ATG14: variants seen among roughly 807,000 people sequenced by gnomAD.
ATG14 encodes autophagy related 14.
ATG14 carries 35 observed loss-of-function variants against 60.4 expected under a neutral mutation model. That is an observed-to-expected ratio of 0.58 (90% CI 0.44 to 0.77). ATG14 has a LOEUF of 0.77. Ranked by LOEUF, ATG14 falls within the 30% of genes least tolerant of loss-of-function variation. The pLI is 0.00. For synonymous variants in ATG14, 234 were observed against 228.8 expected, an observed-to-expected ratio of 1.02 and a Z score of -0.21; for missense variants, 647 against 626.3, an observed-to-expected ratio of 1.03 and a Z score of -0.35.
chr14:55,372,108 T>C (rs76997592), intron 9 of ATG14, among the ~76,000 whole-genome samples: 8,844 of 152,164 alleles, frequency 0.058, 322 homozygotes, highest in South Asian at 0.089. Flanking sequence ...TATCCTCTGG[T>C]TACTAAACCC....
chr14:55,369,509 T>C lies in ATG14; in HGVS notation c.*110A>G. On this transcript the variant is annotated 3_prime_UTR_variant, in exon 10 of 10. Transcript: ENST00000247178. ...AAAAAGACAAAACAAAACAACACTT[T>C]AACCTCTTTGTTCCAGACACTATCT... The C allele has an allele frequency of 1.8e-6, 2 of 1,107,766 alleles. No individual in the cohort carries two copies. Among genetic ancestry groups the C allele is most frequent in the Non-Finnish European group, 2.5e-6 (2 of 803,360 alleles). 68.6% of individuals were successfully genotyped at this position (1,107,766 alleles called of 1,614,324 possible). A position where few individuals can be genotyped will look rare whatever the true frequency, so the allele number is the denominator to read the frequency against.
chr14:55,374,362 T>G lies in ATG14; in HGVS notation c.1172+3457A>C, dbSNP rs78304950. 6.8e-3 allele frequency among the ~76,000 whole-genome samples: 1,035 copies of G among 152,322 alleles called. 16 individuals are homozygous for G. The highest frequency in any genetic ancestry group is 0.049 in the East Asian group (254 of 5,182). ...TTACATTTCTTGTGTGAGCCGCATG[T>G]TTTAATCTTTTGTCTATTTTTCTAA... On this transcript the variant is annotated intron_variant, in intron 9 of 9. Transcript: ENST00000247178.
intron 9 of ATG14, among the ~76,000 whole-genome samples, chr14:55,373,285 A>C (rs1884857139): frequency 6.6e-6 from 1 of 152,158 alleles, no homozygotes; most frequent in African/African-American, 2.4e-5. Context: ...TCTACCAATT[A>C]AGGCAACAAA....
intron 2 of ATG14, among the ~76,000 whole-genome samples, chr14:55,397,160 C>A (rs72717753): frequency 0.011 from 1,722 of 152,274 alleles, 15 homozygotes; most frequent in Middle Eastern, 0.027. Context: ...CTACTGTATA[C>A]CACACACCGG....
chr14:55,386,119 A>C, intron 4 of ATG14, 23 bp from the exon 5 acceptor site: 1 of 1,580,516 alleles, frequency 6.3e-7, no homozygotes, highest in Non-Finnish European at 8.6e-7. Flanking sequence ...AATCACACCC[A>C]ACAATTATCT....
intron 1 of ATG14, among the ~76,000 whole-genome samples, chr14:55,410,324 A>C (rs373887294): frequency 1.5e-4 from 23 of 152,346 alleles, no homozygotes; most frequent in African/African-American, 5.3e-4. Flanking sequence ...AATTATGTGA[A>C]TAGACATAGT....
chr14:55,381,889 C>T, intron 6 of ATG14, 73 bp downstream of exon 6: 1 of 1,338,296 alleles, frequency 7.5e-7, no homozygotes. Flanking sequence ...CTTGAAAGCT[C>T]TTCATTTTGT....
At chr14:55,401,147 T>C (rs923903712) in intron 1 of ATG14, among the ~76,000 whole-genome samples, 3 of 152,064 alleles carry the variant, frequency 2.0e-5, no homozygotes, top group Admixed American at 1.3e-4. Context: ...GAGAGATGGT[T>C]TGTAATTCAT....
At chr14:55,375,141 C>T (rs933235679) in intron 9 of ATG14, among the ~76,000 whole-genome samples, 26 of 152,050 alleles carry the variant, frequency 1.7e-4, no homozygotes, top group African/African-American at 5.6e-4. Flanking sequence ...TGTGTAGAGC[C>T]ATTCAAATAA....
At chr14:55,372,073 T>C (rs1264108270) in intron 9 of ATG14, among the ~76,000 whole-genome samples, 2 of 152,096 alleles carry the variant, frequency 1.3e-5, no homozygotes, top group East Asian at 3.9e-4. Context: ...TCTTTTCCGA[T>C]TCCTCTCCTA....
At chr14:55,393,411 A>G (rs1249696732) in intron 3 of ATG14, among the ~76,000 whole-genome samples, 3 of 152,074 alleles carry the variant, frequency 2.0e-5, no homozygotes, top group Admixed American at 6.6e-5. Context: ...AAAAAGAAAT[A>G]TATGAATAAT....
intron 9 of ATG14, among the ~76,000 whole-genome samples, chr14:55,372,070 C>T (rs1452910739): frequency 6.6e-6 from 1 of 152,046 alleles, no homozygotes; most frequent in East Asian, 1.9e-4. Context: ...CCATCTTTTC[C>T]GATTCCTCTC....
chr14:55,404,875 CCT>C (rs912122089), intron 1 of ATG14, among the ~76,000 whole-genome samples: 4 of 152,106 alleles, frequency 2.6e-5, no homozygotes, highest in African/African-American at 7.2e-5. Flanking sequence ...CCACAACACC[CCT>C]GAGACTCAGT....
chr14:55,369,060 C>G lies in ATG14; in HGVS notation c.*559G>C, dbSNP rs536497753. 1 of 139,548 alleles carries G rather than the reference C, an allele frequency of 7.2e-6. No homozygotes were observed. The highest frequency in any genetic ancestry group is 7.1e-5 in the Admixed American group (1 of 14,010). The allele number at this position is 139,548 out of a possible 1,614,324, so 8.6% of individuals were successfully genotyped here. A position where few individuals can be genotyped will look rare whatever the true frequency, so the allele number is the denominator to read the frequency against. On this transcript the variant is annotated 3_prime_UTR_variant, in exon 10 of 10. Transcript: ENST00000247178. ...ACGACAGAGCAGCATGAATAAAATA[C>G]GTGTAACTCACCCCTCCCAAACAAA...
rs1452340885 is a variant in ATG14, at chr14:55,380,632, C to T, written c.936G>A (p.Gln312=). ...GTATATGAGACAGAATGTTGACCAG[C>T]TGAGTTGCATAGCACAGCGCAGCAC... The part of the protein sequence containing the change: ...TISAALCYAT[Q]LVNILSHILD... Residue 312 remains glutamine (Q), a synonymous_variant, in exon 7 of 10, where the codon CAG becomes CAA. Coordinates refer to ENST00000247178, the MANE Select transcript of ATG14 (RefSeq NM_014924.5). The T allele has an allele frequency of 6.2e-7, 1 of 1,613,226 alleles. No individual in the cohort carries two copies. The highest frequency in any genetic ancestry group is 1.7e-5 in the Admixed American group (1 of 59,874).
At chr14:55,372,988 CTGAGA>C (rs1280951663) in intron 9 of ATG14, among the ~76,000 whole-genome samples, 2 of 152,166 alleles carry the variant, frequency 1.3e-5, no homozygotes, top group East Asian at 3.9e-4. Flanking sequence ...ACCTACATTT[CTGAGA>C]AGCCACAGAG....
chr14:55,394,216 A>G (rs1410070948), intron 3 of ATG14, among the ~76,000 whole-genome samples: 2 of 151,450 alleles, frequency 1.3e-5, no homozygotes, highest in East Asian at 1.9e-4. Flanking sequence ...CATGTTGGTC[A>G]GGCTGGTCTC....
At chr14:55,381,776 A>G (rs1404197907) in intron 6 of ATG14, among the ~76,000 whole-genome samples, 186 bp downstream of exon 6, 2 of 152,200 alleles carry the variant, frequency 1.3e-5, no homozygotes, top group African/African-American at 4.8e-5. Flanking sequence ...TGACACTTTC[A>G]TGCCATGGGG....
At chr14:55,379,941 A>T (rs1274979343) in intron 7 of ATG14, among the ~76,000 whole-genome samples, 2 of 152,092 alleles carry the variant, frequency 1.3e-5, no homozygotes, top group African/African-American at 4.8e-5. Flanking sequence ...ATTAAAAAAC[A>T]ACAACAACAA....
Sources: allele counts gnomAD v4.1 joint callset (sites outside exome capture counted in the v4.1 genomes callset), GRCh38; gene constraint gnomAD v4.1.1; transcripts MANE v1.5; gene names NCBI Gene and HGNC (gene_info 2026-07-23, HGNC 2026-07-21).